ARHGEF26: variants seen among roughly 807,000 people sequenced by gnomAD.
ARHGEF26 encodes Rho guanine nucleotide exchange factor 26.
Under a neutral mutation model 89.4 loss-of-function variants are expected in ARHGEF26, and 59 were observed. The observed-to-expected ratio is 0.66, with a 90% CI of 0.54 to 0.82. ARHGEF26 has a LOEUF of 0.82. Among genes scored for constraint, ARHGEF26 ranks in the 40% least tolerant of loss-of-function variants. The pLI is 0.00. For missense variants in ARHGEF26, 1,234 were observed against 1,085.6 expected (o/e 1.14, Z -1.92); for synonymous variants, 500 against 428.4 (o/e 1.17, Z -2.06).
chr3:154,155,095 A>G (rs1341652390), intron 6 of ARHGEF26, among the ~76,000 whole-genome samples: 9 of 151,730 alleles, frequency 5.9e-5, no homozygotes, highest in Admixed American at 3.9e-4. Context: ...AAACCTTTAG[A>G]TTTTTGTCAT....
rs888001282 is a variant in ARHGEF26 at position 154,160,336 on chromosome 3, T to C, written c.1487+7404T>C. 3.9e-5 allele frequency among the ~76,000 whole-genome samples: 6 copies of C among 152,226 alleles called. No homozygotes were observed. In the East Asian group the frequency reaches 5.8e-4, roughly 15 times the overall value. On this transcript the variant is annotated intron_variant, in intron 6 of 14. Transcript: ENST00000465093. The stretch of plus-strand genomic sequence containing the variant: ...ATTTCAATAAAGAAAGAAAAACTAG[T>C]GATGTTTTAATAGATGCAGTCCTTT...
chr3:154,226,074 C>G, intron 11 of ARHGEF26, 64 bp downstream of exon 11: 2 of 1,370,640 alleles, frequency 1.5e-6, no homozygotes, highest in Middle Eastern at 1.9e-4. Context: ...ATTCAGATGC[C>G]TGTTAGGGTG....
At chr3:154,232,310 G>C (rs1716875428) in intron 11 of ARHGEF26, among the ~76,000 whole-genome samples, 1 of 152,170 alleles carries the variant, frequency 6.6e-6, no homozygotes, top group Non-Finnish European at 1.5e-5. Context: ...TTTGGTGGCA[G>C]TCATACTGAT....
chr3:154,240,681 T>G, intron 12 of ARHGEF26, 102 bp downstream of exon 12: 1 of 1,093,366 alleles, frequency 9.1e-7, no homozygotes, highest in Non-Finnish European at 1.3e-6. Context: ...ACTATTCATG[T>G]TTTTGTTGAG....
intron 4 of ARHGEF26, among the ~76,000 whole-genome samples, chr3:154,144,028 A>C (rs1367013831): frequency 6.6e-6 from 1 of 152,218 alleles, no homozygotes; most frequent in African/African-American, 2.4e-5. Flanking sequence ...TAGAAATGTC[A>C]GGATTGATCA....
At chr3:154,233,954 G>A (rs1716961276) in intron 11 of ARHGEF26, among the ~76,000 whole-genome samples, 1 of 152,160 alleles carries the variant, frequency 6.6e-6, no homozygotes, top group Non-Finnish European at 1.5e-5. Context: ...GGAAACTACT[G>A]AATAGGTAAA....
rs543827366 is a variant in ARHGEF26, at chr3:154,144,134, G to C, written c.1270-5255G>C. 2.6e-4 allele frequency among the ~76,000 whole-genome samples: 39 copies of C among 152,282 alleles called. No homozygotes were observed. The East Asian group carries it at 4.4e-3, about 17-fold the overall frequency. ...AGAGATGTTGTTTCTGGGGCATTCAGGGGGAGCAACTTAATTTAGGGGAAG... is the reference window on the plus strand; with the variant it reads ...AGAGATGTTGTTTCTGGGGCATTCACGGGGAGCAACTTAATTTAGGGGAAG... On this transcript the variant is annotated intron_variant, in intron 4 of 14. Coordinates refer to ENST00000465093, the MANE Select transcript of ARHGEF26 (RefSeq NM_015595.4).
At chr3:154,250,249 G>C (rs922148093) in intron 12 of ARHGEF26, among the ~76,000 whole-genome samples, 11 of 152,098 alleles carry the variant, frequency 7.2e-5, no homozygotes, top group African/African-American at 2.7e-4. Context: ...GGCTGGTCTC[G>C]AACTCCTGAC....
intron 11 of ARHGEF26, among the ~76,000 whole-genome samples, chr3:154,228,390 G>T (rs1716621147): frequency 1.3e-5 from 2 of 151,534 alleles, no homozygotes; most frequent in Non-Finnish European, 2.9e-5. Context: ...GCCTGTCTCG[G>T]CCTCCCAAAG....
chr3:154,121,713 G>C (rs1717930143), intron 1 of ARHGEF26, among the ~76,000 whole-genome samples, 194 bp downstream of exon 1: 1 of 152,210 alleles, frequency 6.6e-6, no homozygotes, highest in South Asian at 2.1e-4. Flanking sequence ...GTCTTTTGGC[G>C]CGGGAGGGAC....
intron 7 of ARHGEF26, among the ~76,000 whole-genome samples, chr3:154,190,022 A>AT (rs200125680): frequency 2.3e-4 from 35 of 151,898 alleles, no homozygotes; most frequent in East Asian, 3.9e-4. Context: ...TCAAAATAAC[A>AT]TTTTTTTTAA....
intron 6 of ARHGEF26, among the ~76,000 whole-genome samples, chr3:154,184,275 C>T (rs932797921): frequency 6.6e-6 from 1 of 152,086 alleles, no homozygotes. Context: ...CCCGGCCTTT[C>T]AATTTTCTTT....
At chr3:154,241,449 G>C (rs768762919) in intron 12 of ARHGEF26, among the ~76,000 whole-genome samples, 1 of 152,190 alleles carries the variant, frequency 6.6e-6, no homozygotes, top group Non-Finnish European at 1.5e-5. Flanking sequence ...ATTGTAGCAA[G>C]ATCTTAGAGA....
At chr3:154,254,920 A>G (rs1718396310) in intron 14 of ARHGEF26, 96 bp downstream of exon 14, 6 of 967,604 alleles carry the variant, frequency 6.2e-6, no homozygotes, top group Non-Finnish European at 9.6e-6. Context: ...CCATATTCCA[A>G]ATCTTGACAT....
At position 154,256,767 on chromosome 3, in the gene ARHGEF26, C is replaced by T; in HGVS notation, c.*1294C>T. The T allele has an allele frequency of 6.9e-7, 1 of 1,452,740 alleles. No individual in the cohort carries two copies. Among genetic ancestry groups the T allele is most frequent in the South Asian group, 1.5e-5 (1 of 67,712 alleles). The allele number at this position is 1,452,740 out of a possible 1,614,324, so 90.0% of individuals were successfully genotyped here. A position where few individuals can be genotyped will look rare whatever the true frequency, so the allele number is the denominator to read the frequency against. The stretch of plus-strand genomic sequence containing the variant: ...TGGTACCCAATTGAAACCTTTTGAC[C>T]TTAGTGGGAATTCATTCTATTTGCA... On this transcript the variant is annotated 3_prime_UTR_variant, in exon 15 of 15. Transcript: ENST00000465093.
At chr3:154,221,792 C>T (rs944529958) in intron 10 of ARHGEF26, among the ~76,000 whole-genome samples, 1 of 152,080 alleles carries the variant, frequency 6.6e-6, no homozygotes, top group Non-Finnish European at 1.5e-5. Context: ...GGTCATTACC[C>T]GTGAGGGGCA....
At chr3:154,121,820 G>A in intron 1 of ARHGEF26, 122 bp from the exon 2 acceptor site, 1 of 866,926 alleles carries the variant, frequency 1.2e-6, no homozygotes, top group Non-Finnish European at 1.7e-6. Flanking sequence ...GAAAGGGCGG[G>A]TAAGTGCGGT....
rs181325900 is a variant in ARHGEF26 at position 154,148,528 on chromosome 3, G to A, written c.1270-861G>A. On this transcript the variant is annotated intron_variant, in intron 4 of 14. Transcript: ENST00000465093. ...CAGTAAAGTAGCTGTCATCTGTGTAGGTCGCTAAGCCCAGGTTTTTCATTC... is the reference window on the plus strand; with the variant it reads ...CAGTAAAGTAGCTGTCATCTGTGTAAGTCGCTAAGCCCAGGTTTTTCATTC... Among the ~76,000 whole-genome samples the A allele has an allele frequency of 4.6e-4, 70 of 152,170 alleles. No individual in the cohort carries two copies. The East Asian group carries it at 9.9e-3, about 22-fold the overall frequency.
At chr3:154,130,585 T>C (rs1718628623) in intron 4 of ARHGEF26, among the ~76,000 whole-genome samples, 1 of 152,268 alleles carries the variant, frequency 6.6e-6, no homozygotes, top group African/African-American at 2.4e-5. Context: ...TTCTCCTCTC[T>C]GCATCAGACA....
Sources: gnomAD v4.1 joint callset for allele counts (sites outside exome capture counted in the v4.1 genomes callset) on GRCh38, gnomAD v4.1.1 for gene constraint, MANE v1.5 for transcripts, NCBI Gene and HGNC (gene_info 2026-07-23, HGNC 2026-07-21) for gene names.